Variants in ZNF106 observed in about 807,000 individuals in gnomAD.
The protein encoded by ZNF106 is SH3-domain binding protein 3.
Under a neutral mutation model 195.1 loss-of-function variants are expected in ZNF106, and 67 were observed. The observed-to-expected ratio is 0.34, with a 90% CI of 0.28 to 0.42. ZNF106 has a LOEUF of 0.42. ZNF106 is among the 10% of genes least tolerant of loss of function. The probability of loss-of-function intolerance (pLI) is 1.00; values close to 1 mark genes in which losing one functional copy is unlikely to be tolerated. For missense variants in ZNF106, 2,118 were observed against 2,304.5 expected (o/e 0.92, Z 1.66); for synonymous variants, 784 against 818.6 (o/e 0.96, Z 0.72).
intron 8 of ZNF106, 94 bp downstream of exon 8, chr15:42,444,733 A>G: frequency 6.6e-7 from 1 of 1,514,910 alleles, no homozygotes; most frequent in Non-Finnish European, 8.9e-7. Flanking sequence ...CTCCCCTGCC[A>G]TTGCTTTTGG....
At chr15:42,456,900 T>C in intron 4 of ZNF106, 58 bp downstream of exon 4, 1 of 1,479,474 alleles carries the variant, frequency 6.8e-7, no homozygotes. Flanking sequence ...AGATATAAAA[T>C]ATATTCTCTG....
At chr15:42,457,230 G>A (rs1187803258) in intron 3 of ZNF106, 72 bp from the exon 4 acceptor site, 2 of 1,610,174 alleles carry the variant, frequency 1.2e-6, no homozygotes, top group Non-Finnish European at 8.5e-7. Flanking sequence ...ATCTGTTATT[G>A]TTTCCTCTGA....
intron 14 of ZNF106, 148 bp downstream of exon 14, chr15:42,435,236 A>T: frequency 9.1e-7 from 1 of 1,093,370 alleles, no homozygotes; most frequent in Non-Finnish European, 1.3e-6. Context: ...ATATCTACCT[A>T]GGGCTACAAC....
intron 16 of ZNF106, 93 bp from the exon 17 acceptor site, chr15:42,424,153 C>A: frequency 1.1e-5 from 12 of 1,137,434 alleles, no homozygotes; most frequent in Non-Finnish European, 1.5e-5. Flanking sequence ...TAATTTCCAT[C>A]CTATTTTGAG....
At chr15:42,436,722 T>C (rs760999355) in intron 13 of ZNF106, among the ~76,000 whole-genome samples, 6 of 152,210 alleles carry the variant, frequency 3.9e-5, no homozygotes, top group African/African-American at 1.4e-4. Flanking sequence ...CCTTAATAAC[T>C]TGAACTCTGT....
Position 42,435,484 on chromosome 15 carries a change from G to A in ZNF106, c.4781C>T (p.Thr1594Ile). The change falls in exon 14 of 22, where the codon ACC becomes ATC. Residue 1594 changes from threonine (T) to isoleucine (I), a missense_variant. Coordinates refer to ENST00000564754, the MANE Select transcript of ZNF106 (RefSeq NM_001366845.3). ...AACCAGGAGGCAGTTAACTTTGGAGGTATGACCCTCAAAGACACCAATACA... is the reference window on the plus strand; with the variant it reads ...AACCAGGAGGCAGTTAACTTTGGAGATATGACCCTCAAAGACACCAATACA... ...RKCIGVFEGH[T>I]SKVNCLLVTQ... 3 of 1,614,122 alleles carry A rather than the reference G, an allele frequency of 1.9e-6. No homozygotes were observed. Among genetic ancestry groups the A allele is most frequent in the Non-Finnish European group, 2.5e-6 (3 of 1,180,022 alleles).
chr15:42,489,620 T>C (rs2057096197), intron 1 of ZNF106, among the ~76,000 whole-genome samples: 1 of 152,224 alleles, frequency 6.6e-6, no homozygotes, highest in Non-Finnish European at 1.5e-5. Context: ...TAAATTCTAG[T>C]TGCATCTGAA....
At position 42,418,532 on chromosome 15, in the gene ZNF106, A is replaced by ATTTTTTTTTTTTTT. The variant is rs1162999546; in HGVS notation, c.5518-595_5518-582dup. ...AGGCGTGCACCACCACGGCCAGTTA[A>ATTTTTTTTTTTTTT]TTTTTTTTTTTTTTTTTTTTTTTTT... On this transcript the variant is annotated intron_variant, in intron 20 of 21. Coordinates refer to ENST00000564754, the MANE Select transcript of ZNF106 (RefSeq NM_001366845.3). Among the ~76,000 whole-genome samples the ATTTTTTTTTTTTTT allele has an allele frequency of 4.5e-4, 43 of 96,236 alleles. 3 individuals carry two copies. The highest frequency in any genetic ancestry group is 1.1e-3 in the African/African-American group (25 of 23,452). 63.1% of individuals were successfully genotyped at this position (96,236 alleles called of 152,430 possible). A position where few individuals can be genotyped will look rare whatever the true frequency, so the allele number is the denominator to read the frequency against.
chr15:42,444,242 T>G lies in ZNF106; in HGVS notation c.3381A>C (p.Ala1127=). 3 of 1,610,164 alleles carry G rather than the reference T, an allele frequency of 1.9e-6. No homozygotes were observed. The highest frequency in any genetic ancestry group is 2.5e-6 in the Non-Finnish European group (3 of 1,177,766). Residue 1127 remains alanine (A), a synonymous_variant, in exon 9 of 22, where the codon GCA becomes GCC. Transcript: ENST00000564754. ...GAATCTGTATTCTATGGGTCCTCAG[T>G]GCACTCATCTCCATAGTTATCTAAA... ...LKQQITMEMS[A]LRTHRIQILQ...
intron 1 of ZNF106, among the ~76,000 whole-genome samples, chr15:42,474,333 T>C (rs545913160): frequency 1.3e-5 from 2 of 152,126 alleles, no homozygotes; most frequent in East Asian, 3.9e-4. Context: ...TGTTCACTAG[T>C]ATAGTTCGGT....
At chr15:42,449,682 A>C (rs2141353470) in intron 5 of ZNF106, 89 bp downstream of exon 5, 1 of 1,493,196 alleles carries the variant, frequency 6.7e-7, no homozygotes, top group Non-Finnish European at 9.0e-7. Context: ...ATTTAATTAA[A>C]TGAAACACGT....
At chr15:42,430,027 C>T (rs1160946871) in intron 14 of ZNF106, among the ~76,000 whole-genome samples, 3 of 151,970 alleles carry the variant, frequency 2.0e-5, no homozygotes, top group African/African-American at 7.3e-5. Context: ...AAATGGTCTA[C>T]GTTTTGATCT....
intron 3 of ZNF106, among the ~76,000 whole-genome samples, chr15:42,464,080 G>A (rs1268121005): frequency 6.8e-6 from 1 of 148,016 alleles, no homozygotes; most frequent in Non-Finnish European, 1.5e-5. Flanking sequence ...GGTGGCTCAC[G>A]CCTGTAATCC....
intron 2 of ZNF106, among the ~76,000 whole-genome samples, chr15:42,467,484 G>A (rs2056547411): frequency 6.6e-6 from 1 of 152,046 alleles, no homozygotes; most frequent in Admixed American, 6.6e-5. Context: ...AGGCATTGAA[G>A]GTTAAGCGTG....
chr15:42,479,828 C>T (rs2056863427), intron 1 of ZNF106, among the ~76,000 whole-genome samples: 2 of 151,974 alleles, frequency 1.3e-5, no homozygotes, highest in African/African-American at 2.4e-5. Flanking sequence ...AGCAAAAGGG[C>T]AAAACTCCGT....
chr15:42,425,159 T>C, intron 15 of ZNF106, 134 bp from the exon 16 acceptor site: 1 of 821,746 alleles, frequency 1.2e-6, no homozygotes, highest in Non-Finnish European at 1.9e-6. Context: ...AGCCTTAACT[T>C]ATCCATCTCC....
chr15:42,435,652 C>T, intron 13 of ZNF106, 134 bp from the exon 14 acceptor site: 1 of 1,034,752 alleles, frequency 9.7e-7, no homozygotes, highest in Non-Finnish European at 1.4e-6. Flanking sequence ...ACCTGGTACA[C>T]AAAAGATGCT....
chr15:42,475,702 C>T (rs561794027), intron 1 of ZNF106, among the ~76,000 whole-genome samples: 4 of 152,128 alleles, frequency 2.6e-5, no homozygotes, highest in East Asian at 1.9e-4. Context: ...TACTTACATG[C>T]GTTATTTTGT....
intron 6 of ZNF106, among the ~76,000 whole-genome samples, chr15:42,447,457 T>G (rs1035836468): frequency 1.3e-5 from 2 of 152,244 alleles, no homozygotes; most frequent in African/African-American, 4.8e-5. Context: ...AGCAACTCTT[T>G]CTTTTCAGAA....
Sources: allele counts gnomAD v4.1 joint callset (sites outside exome capture counted in the v4.1 genomes callset), GRCh38; gene constraint gnomAD v4.1.1; transcripts MANE v1.5; gene names NCBI Gene and HGNC (gene_info 2026-07-23, HGNC 2026-07-21).